VAPA: variants seen among roughly 807,000 people sequenced by gnomAD.
The protein encoded by VAPA is vesicle-associated membrane protein-associated protein A.
In VAPA, 6 loss-of-function variants were observed where a neutral mutation model predicts 25.6. That is an observed-to-expected ratio of 0.23 (90% confidence interval 0.13 to 0.46). The LOEUF is 0.46. Ranked by LOEUF, VAPA falls within the 20% of genes least tolerant of loss-of-function variation. The pLI is 0.99. For synonymous variants in VAPA, 112 were observed against 106.2 expected (o/e 1.05, Z -0.34); for missense variants, 244 against 302.1 (o/e 0.81, Z 1.43).
In VAPA at chr18:9,954,249, T is replaced by C. The variant is rs181545794; in HGVS notation, c.*38T>C. The C allele has an allele frequency of 5.4e-5, 82 of 1,529,138 alleles. No homozygotes were observed. In the East Asian group the frequency reaches 9.7e-4, roughly 18 times the overall value. The allele number at this position is 1,529,138 out of a possible 1,614,324, so 94.7% of individuals were successfully genotyped here. On this transcript the variant is annotated 3_prime_UTR_variant, in exon 6 of 6. Transcript: ENST00000400000. ...AGAGTGCTGTTTCTTTTTTTTTTTT[T>C]CTCTTGACCAGAAAAAGATTTGTTT...
chr18:9,917,857 T>C (rs1037975241), intron 1 of VAPA, among the ~76,000 whole-genome samples: 16 of 152,188 alleles, frequency 1.1e-4, no homozygotes, highest in African/African-American at 3.9e-4. Context: ...AGCACATTTT[T>C]AGGTGTTTCC....
chr18:9,956,744 G>C lies in VAPA; in HGVS notation c.*2533G>C, dbSNP rs2069555656. The C allele has an allele frequency of 6.6e-6, 1 of 152,514 alleles. No individual in the cohort carries two copies. The highest frequency in any genetic ancestry group is 1.5e-5 in the Non-Finnish European group (1 of 68,028). The allele number at this position is 152,514 out of a possible 1,614,324, so 9.4% of individuals were successfully genotyped here. On this transcript the variant is annotated 3_prime_UTR_variant, in exon 6 of 6. Transcript: ENST00000400000. ...TTTGTCTTCATTCCTTATATGTTTA[G>C]AAGTTTTTGCTTTGTCTGCCTGCTT...
At chr18:9,917,978 C>A (rs1175356630) in intron 1 of VAPA, among the ~76,000 whole-genome samples, 1 of 151,864 alleles carries the variant, frequency 6.6e-6, no homozygotes, top group African/African-American at 2.4e-5. Flanking sequence ...AGGTAACTCT[C>A]AATTGCTCAC....
At chr18:9,944,915 C>G (rs2069405388) in intron 4 of VAPA, 1 of 1,613,038 alleles carries the variant, frequency 6.2e-7, no homozygotes, top group East Asian at 2.2e-5. Context: ...GTTTCCCATG[C>G]CATCTCAGGG....
chr18:9,942,086 G>A (rs2867819), intron 4 of VAPA, among the ~76,000 whole-genome samples: 8,703 of 152,060 alleles, frequency 0.057, 287 homozygotes, highest in South Asian at 0.14. Flanking sequence ...AGTATTTAAC[G>A]TAGAACTCTG....
In VAPA at chr18:9,955,462, T is replaced by C. The variant is rs962398474; in HGVS notation, c.*1251T>C. ...TGTCCTATTCTTCATTTATTCATAC[T>C]AGGATAGAAAATTTTGGAATCAGAA... On this transcript the variant is annotated 3_prime_UTR_variant, in exon 6 of 6. Coordinates refer to ENST00000400000, the MANE Select transcript of VAPA (RefSeq NM_194434.3). 1.3e-5 allele frequency: 2 copies of C among 152,362 alleles called. No individual in the cohort carries two copies. Among genetic ancestry groups the C allele is most frequent in the Admixed American group, 6.5e-5 (1 of 15,306 alleles). 9.4% of individuals were successfully genotyped at this position (152,362 alleles called of 1,614,324 possible). A position where few individuals can be genotyped will look rare whatever the true frequency, so the allele number is the denominator to read the frequency against.
chr18:9,930,780 C>T (rs2069246546), intron 1 of VAPA, among the ~76,000 whole-genome samples: 1 of 151,528 alleles, frequency 6.6e-6, no homozygotes, highest in African/African-American at 2.4e-5. Flanking sequence ...ATGCTTGCTT[C>T]TAATTTTCAC....
At chr18:9,919,004 G>T (rs1268281691) in intron 1 of VAPA, among the ~76,000 whole-genome samples, 1 of 152,090 alleles carries the variant, frequency 6.6e-6, no homozygotes, top group Non-Finnish European at 1.5e-5. Context: ...GGGCTCAAGT[G>T]ATCCTCCTGA....
chr18:9,936,152 A>G lies in VAPA; in HGVS notation c.275A>G (p.Lys92Arg), dbSNP rs1374315602. 1 of 1,608,918 alleles carries G rather than the reference A, an allele frequency of 6.2e-7. No homozygotes were observed. The highest frequency in any genetic ancestry group is 1.1e-5 in the South Asian group (1 of 89,682). The change falls in exon 3 of 6, where the codon AAA (lysine) becomes AGA (arginine). Residue 92 changes from lysine to arginine, a missense_variant. Coordinates refer to ENST00000400000, the MANE Select transcript of VAPA (RefSeq NM_194434.3). The stretch of plus-strand genomic sequence containing the variant: ...GACTATGATCCGAATGAAAAGAGTA[A>G]ACACAAGTTTATGGTACAGACAATT... ...PFDYDPNEKSKHKFMVQTIFA... is the reference protein window; with the variant it reads ...PFDYDPNEKSRHKFMVQTIFA...
chr18:9,953,542 G>C (rs916966531), intron 5 of VAPA, among the ~76,000 whole-genome samples: 4 of 152,072 alleles, frequency 2.6e-5, no homozygotes, highest in African/African-American at 9.7e-5. Context: ...TTGTGCCTCT[G>C]CTGTTCCGGT....
In VAPA at chr18:9,958,184, A is replaced by AT. The variant is rs1298909716; in HGVS notation, c.*3980dup. The AT allele has an allele frequency of 9.1e-4, 139 of 152,220 alleles. No homozygotes were observed. Among genetic ancestry groups the AT allele is most frequent in the African/African-American group, 3.2e-3 (134 of 41,524 alleles). 9.4% of individuals were successfully genotyped at this position (152,220 alleles called of 1,614,324 possible). ...AATCACTAATTATAAGTTGTATCCT[A>AT]TTTTTTTCCAGCTTAATTTCTGTGG... is the stretch of plus-strand genomic sequence containing the variant. On this transcript the variant is annotated 3_prime_UTR_variant, in exon 6 of 6. Coordinates refer to ENST00000400000, the MANE Select transcript of VAPA (RefSeq NM_194434.3).
chr18:9,948,000 T>C (rs887755709), intron 4 of VAPA: 56 of 152,218 alleles, frequency 3.7e-4, no homozygotes, highest in African/African-American at 1.3e-3. Context: ...GGGGCCTAGG[T>C]AGTATGTGAT....
At chr18:9,915,853 A>G (rs770194618) in intron 1 of VAPA, 5 of 152,210 alleles carry the variant, frequency 3.3e-5, no homozygotes, top group Non-Finnish European at 7.3e-5. Context: ...CAGTGAATGT[A>G]TTTTATTGCA....
At chr18:9,934,333 C>T (rs2069286786) in intron 2 of VAPA, among the ~76,000 whole-genome samples, 1 of 152,190 alleles carries the variant, frequency 6.6e-6, no homozygotes, top group African/African-American at 2.4e-5. Flanking sequence ...TAGAGTATAA[C>T]TCCTATAAAC....
chr18:9,938,336 C>T (rs1262855171), intron 4 of VAPA, among the ~76,000 whole-genome samples: 1 of 152,166 alleles, frequency 6.6e-6, no homozygotes, highest in Non-Finnish European at 1.5e-5. Context: ...AGGATTGGAA[C>T]CCCAGGTATT....
At chr18:9,940,943 T>G (rs1243239784) in intron 4 of VAPA, among the ~76,000 whole-genome samples, 1 of 152,192 alleles carries the variant, frequency 6.6e-6, no homozygotes, top group Non-Finnish European at 1.5e-5. Context: ...AAAGAGAGGC[T>G]AAAACACAAT....
chr18:9,937,180 T>A, intron 4 of VAPA, 114 bp downstream of exon 4: 1 of 528,544 alleles, frequency 1.9e-6, no homozygotes, highest in Non-Finnish European at 3.1e-6. Context: ...TTACACTTCA[T>A]AAGACTCAGT....
At chr18:9,914,411 C>T (rs1429778634) in intron 1 of VAPA, 76 bp downstream of exon 1, 8 of 1,360,568 alleles carry the variant, frequency 5.9e-6, no homozygotes, top group Non-Finnish European at 6.9e-6. Flanking sequence ...GCGCGGAGGG[C>T]ACGTCCGCGG....
In VAPA at chr18:9,914,413, C is replaced by T. The variant is rs900501472; in HGVS notation, c.79+78C>T. On this transcript the variant is annotated intron_variant, in intron 1 of 5. Transcript: ENST00000400000. ...TGTCGGCGGGGGGGCGCGGAGGGCACGTCCGCGGCCCTGGCCCGAGGGAGC... is the reference window on the plus strand; with the variant it reads ...TGTCGGCGGGGGGGCGCGGAGGGCATGTCCGCGGCCCTGGCCCGAGGGAGC... 12 of 1,347,570 alleles carry T rather than the reference C, an allele frequency of 8.9e-6. No individual in the cohort carries two copies. The Admixed American group carries it at 1.1e-4, about 12-fold the overall frequency. 83.5% of individuals were successfully genotyped at this position (1,347,570 alleles called of 1,614,324 possible). A position where few individuals can be genotyped will look rare whatever the true frequency, so the allele number is the denominator to read the frequency against.
Sources: allele counts gnomAD v4.1 joint callset (sites outside exome capture counted in the v4.1 genomes callset), GRCh38; gene constraint gnomAD v4.1.1; transcripts MANE v1.5; gene names NCBI Gene and HGNC (gene_info 2026-07-23, HGNC 2026-07-21).